Variants in ZNF341 observed in about 807,000 individuals in gnomAD.
ZNF341 encodes the protein zinc finger protein 341.
In ZNF341, 52 loss-of-function variants were observed where a neutral mutation model predicts 87.7. That is an observed-to-expected ratio of 0.59 (90% CI 0.47 to 0.75). The LOEUF is 0.75. Ranked by LOEUF, ZNF341 falls within the 30% of genes least tolerant of loss-of-function variation. The pLI is 0.00. For missense variants in ZNF341, 977 were observed against 1,145.9 expected, an observed-to-expected ratio of 0.85 and a Z score of 2.13; for synonymous variants, 459 against 472.7, an observed-to-expected ratio of 0.97 and a Z score of 0.38.
At chr20:33,767,971 G>A (rs1483062341) in intron 9 of ZNF341, among the ~76,000 whole-genome samples, 1 of 152,142 alleles carries the variant, frequency 6.6e-6, no homozygotes, top group African/African-American at 2.4e-5. Context: ...GTGTATTCCA[G>A]TCAAGATAAA....
intron 10 of ZNF341, among the ~76,000 whole-genome samples, chr20:33,771,219 T>A (rs188616195): frequency 7.0e-4 from 107 of 152,300 alleles, no homozygotes; most frequent in African/African-American, 2.0e-3. Flanking sequence ...AGATCTAGGT[T>A]AAAGTTGAAG....
intron 1 of ZNF341, among the ~76,000 whole-genome samples, chr20:33,740,277 G>C (rs1220705147): frequency 6.6e-6 from 1 of 152,216 alleles, no homozygotes; most frequent in East Asian, 1.9e-4. Context: ...ATGGGACAAA[G>C]AAGAGGGTCA....
intron 14 of ZNF341, 113 bp from the exon 15 acceptor site, chr20:33,790,875 G>A (rs2019998195): frequency 7.8e-7 from 1 of 1,274,160 alleles, no homozygotes; most frequent in Non-Finnish European, 1.1e-6. Context: ...GAGAGCTGGG[G>A]CCAGATCACA....
chr20:33,753,554 C>T lies in ZNF341; in HGVS notation c.741+131C>T. 4 of 1,243,530 alleles carry T rather than the reference C, an allele frequency of 3.2e-6. No homozygotes were observed. The South Asian group carries it at 4.9e-5, about 15-fold the overall frequency. The allele number at this position is 1,243,530 out of a possible 1,614,324, so 77.0% of individuals were successfully genotyped here. The stretch of plus-strand genomic sequence containing the variant: ...CCATGAAAACCAGACCCGGTCCTGG[C>T]CTTCATGGGGTGTACCACATCACAG... On this transcript the variant is annotated intron_variant, in intron 5 of 14. Transcript: ENST00000375200.
chr20:33,740,144 G>A (rs1234302066), intron 1 of ZNF341, among the ~76,000 whole-genome samples: 1 of 152,150 alleles, frequency 6.6e-6, no homozygotes, highest in Non-Finnish European at 1.5e-5. Context: ...GATTACAGGC[G>A]TGAGCCACTG....
chr20:33,740,021 C>T (rs776151962), intron 1 of ZNF341, among the ~76,000 whole-genome samples: 23 of 152,290 alleles, frequency 1.5e-4, no homozygotes, highest in Non-Finnish European at 2.6e-4. Context: ...CACACCACCA[C>T]GCCCAGCTAA....
chr20:33,765,443 A>G (rs2019384273), intron 8 of ZNF341, among the ~76,000 whole-genome samples: 1 of 150,348 alleles, frequency 6.7e-6, no homozygotes, highest in Non-Finnish European at 1.5e-5. Flanking sequence ...CAATGGCATG[A>G]TGGTGGCTCC....
intron 8 of ZNF341, among the ~76,000 whole-genome samples, chr20:33,764,563 T>TATATA (rs2019365740): frequency 6.1e-5 from 3 of 48,830 alleles, no homozygotes; most frequent in African/African-American, 3.6e-4. Context: ...ATATATATAT[T>TATATA]TTTTTTTTTT....
At chr20:33,745,557 G>A (rs2122646345) in intron 3 of ZNF341, among the ~76,000 whole-genome samples, 1 of 152,194 alleles carries the variant, frequency 6.6e-6, no homozygotes, top group Admixed American at 6.5e-5. Flanking sequence ...AGGTGACCAG[G>A]AAGAATACTA....
intron 3 of ZNF341, among the ~76,000 whole-genome samples, chr20:33,746,712 G>A (rs1343451163): frequency 1.3e-5 from 2 of 152,254 alleles, no homozygotes; most frequent in South Asian, 2.1e-4. Context: ...CAGTGGATGC[G>A]GGTAGCTTGA....
At position 33,791,472 on chromosome 20, in the gene ZNF341, A is replaced by G. The variant is rs376580935; in HGVS notation, c.2520A>G (p.Pro840=). ...LAELQAGAEG[P]CAMLAVPVYI... ...AGCTGCAGGCTGGGGCCGAGGGCCC[A>G]TGTGCCATGCTCGCTGTGCCCGTCT... The change falls in exon 15 of 15, where the codon CCA becomes CCG. Residue 840 remains proline, a synonymous_variant. Transcript: ENST00000375200. 25 of 1,596,844 alleles carry G rather than the reference A, an allele frequency of 1.6e-5. No homozygotes were observed. Among genetic ancestry groups the G allele is most frequent in the South Asian group, 1.0e-4 (9 of 90,062 alleles).
Position 33,791,134 on chromosome 20 carries a change from G to C in ZNF341, c.2182G>C (p.Asp728His). The part of the protein sequence containing the change: ...KGFSRHKYLK[D>H]HRCRLGPQKD... ...CTTTTCCCGCCACAAATACCTCAAA[G>C]ATCACCGCTGTCGTCTCGGCCCCCA... The change falls in exon 15 of 15, where the codon GAT becomes CAT. Residue 728 changes from aspartate to histidine, a missense_variant. Asp to His is a moderately conservative substitution (Grantham distance 81). This residue lies in a region of ZNF341 where 221 missense variants were observed against 212.7 expected (regional missense o/e 1.04). Coordinates refer to ENST00000375200, the MANE Select transcript of ZNF341 (RefSeq NM_001282933.2). 1 of 1,613,326 alleles carries C rather than the reference G, an allele frequency of 6.2e-7. No individual in the cohort carries two copies. Among genetic ancestry groups the C allele is most frequent in the Non-Finnish European group, 8.5e-7 (1 of 1,180,022 alleles).
rs372492319 is a variant in ZNF341, at chr20:33,753,226, C to T, written c.544C>T (p.Pro182Ser). 7.6e-5 allele frequency: 122 copies of T among 1,611,860 alleles called. No homozygotes were observed. Among genetic ancestry groups the T allele is most frequent in the Middle Eastern group, 2.2e-4 (1 of 4,566 alleles). The part of the protein sequence containing the change: ...PSYLTQPPPP[P>S]PPPPPLPPPP... ...CTACCTCACCCAGCCTCCACCTCCTCCTCCACCTCCTCCACCACTGCCCCC... is the reference window on the plus strand; with the variant it reads ...CTACCTCACCCAGCCTCCACCTCCTTCTCCACCTCCTCCACCACTGCCCCC... Residue 182 changes from proline to serine, a missense_variant, in exon 5 of 15, where the codon CCT (proline) becomes TCT (serine). Around this residue, in one of 3 missense-constraint regions of ZNF341, gnomAD observed 515 missense variants for 598.2 expected, o/e 0.86. Transcript: ENST00000375200.
At chr20:33,745,468 C>T (rs548682234) in intron 3 of ZNF341, among the ~76,000 whole-genome samples, 169 bp downstream of exon 3, 7 of 152,070 alleles carry the variant, frequency 4.6e-5, no homozygotes, top group African/African-American at 1.4e-4. Context: ...ATGTTAAATG[C>T]GGAGAGATAG....
At chr20:33,763,578 C>T (rs1012782590) in intron 8 of ZNF341, among the ~76,000 whole-genome samples, 15 of 152,152 alleles carry the variant, frequency 9.9e-5, no homozygotes, top group African/African-American at 3.4e-4. Context: ...AGATTACGGA[C>T]GTGAGCCACC....
In ZNF341 at chr20:33,783,725, C is replaced by G. The variant is rs200898607; in HGVS notation, c.1720-7C>G. On this transcript the variant is annotated splice_region_variant and splice_polypyrimidine_tract_variant and intron_variant, in intron 11 of 14. Coordinates refer to ENST00000375200, the MANE Select transcript of ZNF341 (RefSeq NM_001282933.2). ...AGTCAGACCTGAAGGCCCCTCTTCT[C>G]TCCCAGGTGTTTCCTTGTGAACGCT... is the stretch of plus-strand genomic sequence containing the variant. 6.2e-7 allele frequency: 1 copy of G among 1,613,846 alleles called. No individual in the cohort carries two copies.
chr20:33,778,300 C>A (rs1358792248), intron 10 of ZNF341, among the ~76,000 whole-genome samples: 2 of 151,974 alleles, frequency 1.3e-5, no homozygotes, highest in African/African-American at 4.8e-5. Flanking sequence ...TGGCTTCTTT[C>A]TTTTTCTTTT....
chr20:33,786,558 A>G (rs1217612590), intron 12 of ZNF341, among the ~76,000 whole-genome samples: 1 of 152,216 alleles, frequency 6.6e-6, no homozygotes, highest in Non-Finnish European at 1.5e-5. Context: ...GAAGCTTAAG[A>G]TGGTCAATTT....
chr20:33,766,551 G>A (rs2019410437), intron 8 of ZNF341, among the ~76,000 whole-genome samples: 1 of 152,146 alleles, frequency 6.6e-6, no homozygotes, highest in Non-Finnish European at 1.5e-5. Flanking sequence ...AACTAGGATG[G>A]TGTTTAGAAT....
Sources: allele counts gnomAD v4.1 joint callset (sites outside exome capture counted in the v4.1 genomes callset), GRCh38; gene constraint gnomAD v4.1.1; regional missense constraint gnomAD v4.1.1; transcripts MANE v1.5; gene names NCBI Gene and HGNC (gene_info 2026-07-23, HGNC 2026-07-21).